The following SEMA6D variants were observed in gnomAD, a reference collection of about 807,000 sequenced individuals.
SEMA6D encodes the protein semaphorin 6D, also known as semaphorin-6D.
Under a neutral mutation model 106.6 loss-of-function variants are expected in SEMA6D, and 35 were observed. That is an observed-to-expected ratio of 0.33 (90% confidence interval 0.25 to 0.44). SEMA6D has a LOEUF of 0.44. Ranked by LOEUF, SEMA6D falls within the 20% of genes least tolerant of loss-of-function variation. The pLI is 1.00. For missense variants in SEMA6D, 1,185 were observed against 1,345.9 expected (o/e 0.88, Z 1.87); for synonymous variants, 499 against 487.7 (o/e 1.02, Z -0.31).
At chr15:47,598,060 A>T (rs1052768211) in intron 3 of SEMA6D, among the ~76,000 whole-genome samples, 2 of 152,004 alleles carry the variant, frequency 1.3e-5, no homozygotes, top group Non-Finnish European at 2.9e-5. Flanking sequence ...AAGAACTCTG[A>T]ATTTATAATA....
At chr15:47,533,235 A>T (rs949824770) in intron 3 of SEMA6D, among the ~76,000 whole-genome samples, 1 of 152,218 alleles carries the variant, frequency 6.6e-6, no homozygotes, top group Non-Finnish European at 1.5e-5. Flanking sequence ...GAAAATTTTC[A>T]AAAAGAAAGC....
At chr15:47,307,332 T>G (rs1869636) in intron 1 of SEMA6D, among the ~76,000 whole-genome samples, 65,818 of 151,848 alleles carry the variant, frequency 0.43, 16,552 homozygotes, top group Non-Finnish European at 0.56. Context: ...TCTCGTCACT[T>G]TTTTGCTAGG....
intron 4 of SEMA6D, among the ~76,000 whole-genome samples, chr15:47,680,069 G>A (rs1479763402): frequency 6.6e-6 from 1 of 152,086 alleles, no homozygotes; most frequent in African/African-American, 2.4e-5. Context: ...TTACAAAGTG[G>A]CTCCCACATA....
chr15:47,282,450 T>C (rs561758577), intron 1 of SEMA6D, among the ~76,000 whole-genome samples: 8 of 152,272 alleles, frequency 5.3e-5, no homozygotes, highest in Non-Finnish European at 1.2e-4. Context: ...ACACAAGTTA[T>C]TTATTCTACT....
chr15:47,379,794 G>A (rs986632226), intron 1 of SEMA6D, among the ~76,000 whole-genome samples: 2 of 151,900 alleles, frequency 1.3e-5, no homozygotes, highest in South Asian at 2.1e-4. Flanking sequence ...TTTTGCTCTC[G>A]TTGCCCAGGC....
At chr15:47,427,360 G>A (rs2132662) in intron 2 of SEMA6D, among the ~76,000 whole-genome samples, 75,972 of 151,960 alleles carry the variant, frequency 0.5, 19,705 homozygotes, top group South Asian at 0.63. Flanking sequence ...ATGCACTCAT[G>A]TACAGTCACA....
chr15:47,610,847 A>G (rs2076884536), intron 4 of SEMA6D, among the ~76,000 whole-genome samples: 1 of 152,258 alleles, frequency 6.6e-6, no homozygotes, highest in Non-Finnish European at 1.5e-5. Flanking sequence ...AATGAAAGAA[A>G]GCAGGACAGG....
chr15:47,538,081 C>G (rs535362749), intron 3 of SEMA6D, among the ~76,000 whole-genome samples: 1 of 152,068 alleles, frequency 6.6e-6, no homozygotes, highest in African/African-American at 2.4e-5. Flanking sequence ...GAGCATTACA[C>G]AGAATTAGGG....
chr15:47,601,358 A>G (rs1279446967), intron 4 of SEMA6D, among the ~76,000 whole-genome samples: 2 of 152,202 alleles, frequency 1.3e-5, no homozygotes, highest in African/African-American at 2.4e-5. Flanking sequence ...GCAGGAGAGT[A>G]TTAGCCAAGT....
chr15:47,189,121 A>T (rs1240542161), intron 1 of SEMA6D, among the ~76,000 whole-genome samples: 1 of 152,146 alleles, frequency 6.6e-6, no homozygotes, highest in Non-Finnish European at 1.5e-5. Context: ...TTGTGATTCC[A>T]TGGTAGTGGA....
At chr15:47,764,829 C>T (rs760686976) in intron 12 of SEMA6D, 36 bp downstream of exon 12, 72 of 1,613,374 alleles carry the variant, frequency 4.5e-5, no homozygotes, top group East Asian at 1.3e-4. Context: ...TCCTATTCAA[C>T]GTTTTCTCTG....
chr15:47,384,916 C>T (rs1216927004), intron 1 of SEMA6D, among the ~76,000 whole-genome samples: 1 of 132,566 alleles, frequency 7.5e-6, no homozygotes, highest in African/African-American at 2.8e-5. Context: ...CCTCCTGCTT[C>T]TCTCAAGTGT....
At chr15:47,330,617 A>G (rs1211794428) in intron 1 of SEMA6D, among the ~76,000 whole-genome samples, 1 of 152,218 alleles carries the variant, frequency 6.6e-6, no homozygotes, top group Non-Finnish European at 1.5e-5. Flanking sequence ...TCCCTACTAT[A>G]TATCAGAATC....
At chr15:47,601,120 G>A (rs11070597) in intron 4 of SEMA6D, among the ~76,000 whole-genome samples, 63,280 of 149,954 alleles carry the variant, frequency 0.42, 14,624 homozygotes, top group South Asian at 0.53. Flanking sequence ...GAGAGAGAAA[G>A]AGAGAGAGAG....
chr15:47,288,836 A>G lies in SEMA6D; in HGVS notation c.-239+104418A>G, dbSNP rs184716337. Among the ~76,000 whole-genome samples, 93 of 152,318 alleles carry G rather than the reference A, an allele frequency of 6.1e-4. No individual in the cohort carries two copies. In the Middle Eastern group the frequency reaches 0.014, roughly 22 times the overall value. On this transcript the variant is annotated intron_variant, in intron 1 of 19. Coordinates refer to the SEMA6D transcript ENST00000558014. ...CACTCCACAGCCCACACTCTTACTT[A>G]GGACAGCCGAGCACAACTTAATCAA...
intron 4 of SEMA6D, among the ~76,000 whole-genome samples, chr15:47,613,754 C>T (rs1020742523): frequency 4.6e-5 from 7 of 151,976 alleles, no homozygotes; most frequent in African/African-American, 7.3e-5. Flanking sequence ...CCCAGGTTCA[C>T]GCCATTCTCC....
intron 1 of SEMA6D, among the ~76,000 whole-genome samples, chr15:47,289,493 T>C (rs771631257): frequency 2.0e-5 from 3 of 151,984 alleles, no homozygotes; most frequent in Non-Finnish European, 2.9e-5. Context: ...ATTTTTCTTC[T>C]GAAACAGTGT....
intron 1 of SEMA6D, among the ~76,000 whole-genome samples, chr15:47,752,363 A>G (rs2081487515): frequency 6.6e-6 from 1 of 152,224 alleles, no homozygotes; most frequent in Non-Finnish European, 1.5e-5. Context: ...GGACTGGAAA[A>G]TGTCCGTTGC....
chr15:47,689,348 A>G (rs2078535719), intron 4 of SEMA6D, among the ~76,000 whole-genome samples: 1 of 152,240 alleles, frequency 6.6e-6, no homozygotes, highest in African/African-American at 2.4e-5. Context: ...CTTGGACAGC[A>G]TGTAACTGAA....
Sources: gnomAD v4.1 joint callset for allele counts (sites outside exome capture counted in the v4.1 genomes callset) on GRCh38, gnomAD v4.1.1 for gene constraint, MANE v1.5 for transcripts, NCBI Gene and HGNC (gene_info 2026-07-23, HGNC 2026-07-21) for gene names.